Variants in COL5A2 observed in about 807,000 individuals in gnomAD.
COL5A2 encodes the protein collagen alpha-2(V) chain.
Under a neutral mutation model 208.2 loss-of-function variants are expected in COL5A2, and 23 were observed. That is an observed-to-expected ratio of 0.11 (90% confidence interval 0.08 to 0.16). The LOEUF (loss-of-function observed/expected upper bound fraction) is 0.16, where lower values mean the gene tolerates loss of function less well. Ranked by LOEUF, COL5A2 falls within the 10% of genes least tolerant of loss-of-function variation. The pLI, the probability that COL5A2 is intolerant of heterozygous loss-of-function variation, is 1.00. For synonymous variants in COL5A2, 625 were observed against 628.5 expected (o/e 0.99, Z 0.08); for missense variants, 1,590 against 1,956.4 (o/e 0.81, Z 3.53).
At chr2:189,434,974 C>G in the COL5A2 span, among the ~76,000 whole-genome samples, 35 of 152,302 alleles carry the variant, frequency 2.3e-4, no homozygotes, top group African/African-American at 7.9e-4. Context: ...GTTACCAAAA[C>G]AGAGATATAG....
chr2:189,060,627 A>G, intron 31 of COL5A2, 103 bp downstream of exon 31: 1 of 970,040 alleles, frequency 1.0e-6, no homozygotes. Context: ...GAACTCAAAG[A>G]GATAATGTAT....
chr2:189,273,474 T>C, the COL5A2 span, among the ~76,000 whole-genome samples: 2 of 152,120 alleles, frequency 1.3e-5, no homozygotes, highest in East Asian at 1.9e-4. Context: ...AACTACCATA[T>C]GATCCAGTAG....
chr2:189,380,496 T>C, the COL5A2 span, among the ~76,000 whole-genome samples: 1 of 151,930 alleles, frequency 6.6e-6, no homozygotes, highest in Non-Finnish European at 1.5e-5. Flanking sequence ...GGTCCCAATA[T>C]TTTTAATGAA....
the COL5A2 span, among the ~76,000 whole-genome samples, chr2:189,366,340 A>C: frequency 1.3e-5 from 2 of 152,208 alleles, no homozygotes; most frequent in Admixed American, 6.5e-5. Flanking sequence ...TTCTCAACAA[A>C]GAGCTATTTT....
the COL5A2 span, among the ~76,000 whole-genome samples, chr2:189,389,806 A>C: frequency 6.6e-6 from 1 of 152,204 alleles, no homozygotes; most frequent in East Asian, 1.9e-4. Context: ...TAAACTGAAG[A>C]TCACTGCAAT....
At chr2:189,122,621 AT>A (rs1365531156) in intron 1 of COL5A2, among the ~76,000 whole-genome samples, 1 of 152,162 alleles carries the variant, frequency 6.6e-6, no homozygotes, top group African/African-American at 2.4e-5. Context: ...TATTACACTT[AT>A]TGGTTTGTTT....
intron 1 of COL5A2, among the ~76,000 whole-genome samples, chr2:189,212,947 A>G (rs1185059641): frequency 6.6e-6 from 1 of 151,646 alleles, no homozygotes; most frequent in African/African-American, 2.4e-5. Flanking sequence ...GGAGTGTGAC[A>G]GCGCGATCTG....
the COL5A2 span, among the ~76,000 whole-genome samples, chr2:189,307,204 C>A: frequency 6.6e-5 from 10 of 151,836 alleles, no homozygotes; most frequent in African/African-American, 2.4e-4. Context: ...ATTTTTCTTC[C>A]CTTTACACTT....
chr2:189,200,172 A>G (rs1378698870), intron 1 of COL5A2, among the ~76,000 whole-genome samples: 2 of 152,180 alleles, frequency 1.3e-5, no homozygotes, highest in African/African-American at 2.4e-5. Context: ...TTTTGGTCTT[A>G]CTTTGATGGC....
chr2:189,233,855 A>G, the COL5A2 span, among the ~76,000 whole-genome samples: 2 of 151,704 alleles, frequency 1.3e-5, no homozygotes, highest in African/African-American at 4.8e-5. Flanking sequence ...CATCAGGGCT[A>G]CAAAATGTCA....
At chr2:189,078,947 G>T in intron 15 of COL5A2, 116 bp downstream of exon 15, 2 of 838,124 alleles carry the variant, frequency 2.4e-6, no homozygotes, top group Non-Finnish European at 3.9e-6. Flanking sequence ...TATTTTACTA[G>T]CCAACATATG....
rs1009931424 is a variant in COL5A2 at position 189,060,814 on chromosome 2, A to T, written c.2032-31T>A. ...ACAAAAGTAAGAAAATAAAATTGTGAATCTGTGTAAGTTTAACAGGCTACC... is the reference window on the plus strand; with the variant it reads ...ACAAAAGTAAGAAAATAAAATTGTGTATCTGTGTAAGTTTAACAGGCTACC... On this transcript the variant is annotated intron_variant, in intron 30 of 53. Transcript: ENST00000374866. 4 of 1,575,476 alleles carry T rather than the reference A, an allele frequency of 2.5e-6. No homozygotes were observed. In the African/African-American group the frequency reaches 4.0e-5, roughly 16 times the overall value.
chr2:189,096,229 TAA>T (rs938986109), intron 6 of COL5A2: 13 of 152,196 alleles, frequency 8.5e-5, no homozygotes, highest in African/African-American at 2.9e-4. Flanking sequence ...TTTAAAAGGA[TAA>T]AAATCTACTG....
chr2:189,319,249 G>T, the COL5A2 span, among the ~76,000 whole-genome samples: 2 of 151,854 alleles, frequency 1.3e-5, no homozygotes, highest in Admixed American at 6.6e-5. Context: ...CGGCGCAGAA[G>T]ATGGGTGATT....
At position 189,069,450 on chromosome 2, in the gene COL5A2, C is replaced by T. The variant is rs112735985; in HGVS notation, c.1159-566G>A. Among the ~76,000 whole-genome samples, 693 of 152,228 alleles carry T rather than the reference C, an allele frequency of 4.6e-3. 5 individuals carry two copies. The highest frequency in any genetic ancestry group is 0.015 in the African/African-American group (639 of 41,542). ...CCCATTTCTGTATAAACAGTGTATA[C>T]ATTCGGACTCTTTAACACAAATCAA... On this transcript the variant is annotated intron_variant, in intron 18 of 53. Coordinates refer to ENST00000374866, the MANE Select transcript of COL5A2 (RefSeq NM_000393.5).
intron 2 of COL5A2, among the ~76,000 whole-genome samples, chr2:189,108,200 T>G (rs1405491333): frequency 6.6e-6 from 1 of 151,826 alleles, no homozygotes; most frequent in Non-Finnish European, 1.5e-5. Context: ...TGTTTTAGTC[T>G]TTTTCTAGAT....
the COL5A2 span, among the ~76,000 whole-genome samples, chr2:189,353,071 T>C: frequency 6.6e-6 from 1 of 152,200 alleles, no homozygotes; most frequent in African/African-American, 2.4e-5. Context: ...CTTGTTTTTA[T>C]CATGTTTGTC....
chr2:189,086,064 CTCA>C (rs1186019557), intron 9 of COL5A2, among the ~76,000 whole-genome samples: 3 of 152,092 alleles, frequency 2.0e-5, no homozygotes, highest in Non-Finnish European at 4.4e-5. Flanking sequence ...GGTAGTTCTC[CTCA>C]TCAACATCAT....
the COL5A2 span, among the ~76,000 whole-genome samples, chr2:189,292,985 T>G: frequency 1.3e-5 from 2 of 151,982 alleles, no homozygotes; most frequent in African/African-American, 4.8e-5. Context: ...ATCATCATTC[T>G]CAGTAAACTA....
Sources: allele counts gnomAD v4.1 joint callset (sites outside exome capture counted in the v4.1 genomes callset), GRCh38; gene constraint gnomAD v4.1.1; transcripts MANE v1.5; gene names NCBI Gene and HGNC (gene_info 2026-07-23, HGNC 2026-07-21).